Variants in CPVL observed in about 807,000 individuals in gnomAD.
CPVL encodes the protein carboxypeptidase vitellogenic like, also known as probable serine carboxypeptidase CPVL.
A neutral mutation model predicts 63.7 loss-of-function variants in CPVL; 51 were observed. That is an observed-to-expected ratio of 0.80 (90% CI 0.64 to 1.01). The LOEUF (loss-of-function observed/expected upper bound fraction) is 1.01, where lower values mean the gene tolerates loss of function less well. CPVL is among the 50% of genes least tolerant of loss of function. CPVL has a pLI of 0.00. For missense variants in CPVL, 530 were observed against 573.1 expected, an observed-to-expected ratio of 0.92 and a Z score of 0.77; for synonymous variants, 195 against 206.0, an observed-to-expected ratio of 0.95 and a Z score of 0.46.
At chr7:29,080,363 G>A (rs984558205) in intron 7 of CPVL, 1 of 152,034 alleles carries the variant, frequency 6.6e-6, no homozygotes. Flanking sequence ...TTCAAGGCCA[G>A]CCTGTCCAAC....
chr7:29,023,195 T>C (rs1159910772), intron 12 of CPVL, among the ~76,000 whole-genome samples: 1 of 152,236 alleles, frequency 6.6e-6, no homozygotes, highest in African/African-American at 2.4e-5. Context: ...TCTGTTCTCA[T>C]GCTGCTAATA....
intron 1 of CPVL, among the ~76,000 whole-genome samples, chr7:29,131,204 AG>A (rs1374619508): frequency 2.1e-4 from 32 of 152,214 alleles, no homozygotes; most frequent in African/African-American, 7.7e-4. Context: ...AAAAAAAAAA[AG>A]AATTGCCTCC....
In CPVL at chr7:29,030,590, CCCG is replaced by C. The variant is rs1562731462; in HGVS notation, c.1304_1306del (p.Ala435del). ...GCATCTTCCTACCTGATGGAAGTCA[CCCG>C]CTTGCCGGATGTAACCAGCCACTTC... On this transcript the variant is annotated inframe_deletion, in exon 12 of 13. Coordinates refer to ENST00000265394, the MANE Select transcript of CPVL (RefSeq NM_031311.5). 1 of 1,611,876 alleles carries C rather than the reference CCCG, an allele frequency of 6.2e-7. No homozygotes were observed. The highest frequency in any genetic ancestry group is 1.7e-5 in the Admixed American group (1 of 59,840).
intron 9 of CPVL, among the ~76,000 whole-genome samples, chr7:29,069,440 C>CAAAAAAA (rs34421309): frequency 1.2e-5 from 1 of 81,212 alleles, no homozygotes. Flanking sequence ...GACTCCGTCT[C>CAAAAAAA]AAAAAAAAAA....
intron 12 of CPVL, among the ~76,000 whole-genome samples, chr7:28,996,870 G>A (rs1784128735): frequency 6.6e-6 from 1 of 152,134 alleles, no homozygotes; most frequent in African/African-American, 2.4e-5. Context: ...ATTCATCAGA[G>A]TTCAACATGT....
At chr7:29,195,213 C>A in exon 1 of CPVL, 1 of 470,514 alleles carries the variant, frequency 2.1e-6, no homozygotes, top group Non-Finnish European at 3.7e-6. Flanking sequence ...AGCGGTGGTG[C>A]CCTTAGTGTG....
chr7:29,037,552 CAAAAAA>C lies in CPVL; in HGVS notation c.1138-6799_1138-6794del, dbSNP rs35631871. Among the ~76,000 whole-genome samples the C allele has an allele frequency of 2.5e-4, 14 of 56,348 alleles. No homozygotes were observed. The South Asian group carries it at 0.01, about 41-fold the overall frequency. 37.0% of individuals were successfully genotyped at this position (56,348 alleles called of 152,430 possible). A position where few individuals can be genotyped will look rare whatever the true frequency, so the allele number is the denominator to read the frequency against. ...TGGGTGACAGAGTGAGACTCCATCT[CAAAAAA>C]AAAAAAAAAAAAAAGAAAAGAAAAG... On this transcript the variant is annotated intron_variant, in intron 11 of 12. Transcript: ENST00000265394.
upstream of CPVL, among the ~76,000 whole-genome samples, chr7:29,150,270 A>G (rs1344063373): frequency 6.6e-6 from 1 of 152,232 alleles, no homozygotes; most frequent in Non-Finnish European, 1.5e-5. Flanking sequence ...TGTACATGAT[A>G]AAAATACTAT....
downstream of CPVL, among the ~76,000 whole-genome samples, chr7:28,994,735 G>A (rs1454286997): frequency 6.6e-6 from 1 of 152,146 alleles, no homozygotes; most frequent in Non-Finnish European, 1.5e-5. Flanking sequence ...GGCACAACAT[G>A]AGAAATTAAA....
intron 5 of CPVL, among the ~76,000 whole-genome samples, chr7:29,176,445 G>T (rs1324438155): frequency 1.3e-5 from 2 of 151,996 alleles, no homozygotes; most frequent in East Asian, 1.9e-4. Flanking sequence ...GAACACAATG[G>T]GTATGTCTTC....
At chr7:29,167,654 T>C (rs1796086292) in intron 5 of CPVL, among the ~76,000 whole-genome samples, 1 of 152,360 alleles carries the variant, frequency 6.6e-6, no homozygotes, top group East Asian at 1.9e-4. Flanking sequence ...TTTTTATTGC[T>C]CTACATCTTC....
intron 11 of CPVL, among the ~76,000 whole-genome samples, chr7:29,060,155 G>T (rs1397215009): frequency 2.0e-5 from 3 of 151,400 alleles, no homozygotes; most frequent in African/African-American, 7.3e-5. Flanking sequence ...GAACATTTTT[G>T]GTAATAGCTT....
At chr7:29,048,365 A>C (rs1389496128) in intron 11 of CPVL, among the ~76,000 whole-genome samples, 1 of 152,212 alleles carries the variant, frequency 6.6e-6, no homozygotes, top group African/African-American at 2.4e-5. Context: ...GGGGTGGAAA[A>C]AGGCATTTCA....
rs1478709443 is a variant in CPVL at position 29,125,394 on chromosome 7, T to C, written c.-10-4323A>G. 2.8e-5 allele frequency among the ~76,000 whole-genome samples: 4 copies of C among 144,112 alleles called. No homozygotes were observed. The East Asian group carries it at 8.1e-4, about 29-fold the overall frequency. 94.5% of individuals were successfully genotyped at this position (144,112 alleles called of 152,430 possible). On this transcript the variant is annotated intron_variant, in intron 1 of 12. Coordinates refer to ENST00000265394, the MANE Select transcript of CPVL (RefSeq NM_031311.5). The stretch of plus-strand genomic sequence containing the variant: ...CTGCTTTCCACTCTCCCGTCTTTTT[T>C]TTTTTTTTTTTTTTTTGAGACAGAG...
chr7:29,100,407 G>C (rs1179960790), intron 3 of CPVL, among the ~76,000 whole-genome samples: 1 of 152,210 alleles, frequency 6.6e-6, no homozygotes, highest in African/African-American at 2.4e-5. Flanking sequence ...AAAGCTCCCA[G>C]GTGGTTCTAA....
At chr7:29,001,979 AG>A (rs1218684380) in intron 12 of CPVL, among the ~76,000 whole-genome samples, 9 of 152,240 alleles carry the variant, frequency 5.9e-5, no homozygotes, top group Admixed American at 5.9e-4. Flanking sequence ...TAAAGGTATC[AG>A]AGAGCAACCA....
intron 7 of CPVL, among the ~76,000 whole-genome samples, chr7:29,081,976 T>C (rs774816557): frequency 6.6e-6 from 1 of 152,240 alleles, no homozygotes; most frequent in Non-Finnish European, 1.5e-5. Context: ...AATGTGAAGA[T>C]ATTTAGGTCT....
At chr7:29,125,789 G>A (rs777157031) in intron 1 of CPVL, among the ~76,000 whole-genome samples, 1 of 152,128 alleles carries the variant, frequency 6.6e-6, no homozygotes, top group Non-Finnish European at 1.5e-5. Flanking sequence ...TCCCTTTTAT[G>A]GATTGTTAAA....
At chr7:29,118,452 C>A (rs1789008621) in intron 2 of CPVL, among the ~76,000 whole-genome samples, 1 of 152,144 alleles carries the variant, frequency 6.6e-6, no homozygotes, top group Non-Finnish European at 1.5e-5. Context: ...TGGTATCAGC[C>A]CATATGGTGG....
Sources: gnomAD v4.1 joint callset for allele counts (sites outside exome capture counted in the v4.1 genomes callset) on GRCh38, gnomAD v4.1.1 for gene constraint, MANE v1.5 for transcripts, NCBI Gene and HGNC (gene_info 2026-07-23, HGNC 2026-07-21) for gene names.